RGS9: variants seen among roughly 807,000 people sequenced by gnomAD.
RGS9 encodes regulator of G-protein signalling 9.
In RGS9, 78 loss-of-function variants were observed where a neutral mutation model predicts 102.0. That is an observed-to-expected ratio of 0.76 (90% CI 0.64 to 0.92). RGS9 has a LOEUF of 0.92. Among genes scored for constraint, RGS9 ranks in the 40% least tolerant of loss-of-function variants. The pLI is 0.00. For synonymous variants in RGS9, 353 were observed against 318.6 expected (o/e 1.11, Z -1.15); for missense variants, 833 against 866.1 (o/e 0.96, Z 0.48).
In RGS9 at chr17:65,213,526, TTGAGGGTGGTGGTGAGTGTGGTGG is replaced by T. The variant is rs59435565; in HGVS notation, c.1407+2960_1407+2983del. Among the ~76,000 whole-genome samples, 330 of 149,886 alleles carry T rather than the reference TTGAGGGTGGTGGTGAGTGTGGTGG, an allele frequency of 2.2e-3. 8 individuals are homozygous for T. In the East Asian group the frequency reaches 0.052, roughly 24 times the overall value. ...GGTGAGGGTGGTGGTGAGCATGTTG[TTGAGGGTGGTGGTGAGTGTGGTGG>T]TGAGGGTGGTGGTGAGTGTGGTGGT... On this transcript the variant is annotated intron_variant, in intron 17 of 18. Coordinates refer to ENST00000262406, the MANE Select transcript of RGS9 (RefSeq NM_003835.4).
At chr17:65,145,558 T>A (rs916692661) in intron 1 of RGS9, among the ~76,000 whole-genome samples, 12 of 124,730 alleles carry the variant, frequency 9.6e-5, no homozygotes, top group African/African-American at 4.1e-4. Flanking sequence ...CTATTTTTTT[T>A]TTTTTTAATA....
chr17:65,137,422 C>T lies in RGS9; in HGVS notation c.-119C>T. ...GGGGCCCGGCCCGCGCCCTCCCCGC[C>T]CAGCCGCCTCCCCGTCGACGCCCAG... On this transcript the variant is annotated 5_prime_UTR_variant, in exon 1 of 19. Coordinates refer to ENST00000262406, the MANE Select transcript of RGS9 (RefSeq NM_003835.4). 1 of 1,027,782 alleles carries T rather than the reference C, an allele frequency of 9.7e-7. No homozygotes were observed. The highest frequency in any genetic ancestry group is 1.5e-6 in the Non-Finnish European group (1 of 665,520). The allele number at this position is 1,027,782 out of a possible 1,614,324, so 63.7% of individuals were successfully genotyped here. A position where few individuals can be genotyped will look rare whatever the true frequency, so the allele number is the denominator to read the frequency against.
chr17:65,163,829 G>A (rs1037331046), intron 7 of RGS9, among the ~76,000 whole-genome samples: 1 of 152,212 alleles, frequency 6.6e-6, no homozygotes, highest in Non-Finnish European at 1.5e-5. Flanking sequence ...CTGCATCTGA[G>A]AGTGCAAAGT....
intron 8 of RGS9, among the ~76,000 whole-genome samples, chr17:65,175,930 CAG>C (rs1213674500): frequency 3.3e-5 from 5 of 152,126 alleles, no homozygotes; most frequent in Non-Finnish European, 7.4e-5. Context: ...AATATTGGGA[CAG>C]AAATTATTTG....
At chr17:65,204,092 C>T in intron 14 of RGS9, 71 bp from the exon 15 acceptor site, 1 of 1,583,326 alleles carries the variant, frequency 6.3e-7, no homozygotes, top group Non-Finnish European at 8.7e-7. Context: ...CCTTCCCTCC[C>T]AAGCAGCTGT....
At chr17:65,186,340 C>G (rs1056724439) in intron 9 of RGS9, among the ~76,000 whole-genome samples, 3 of 151,802 alleles carry the variant, frequency 2.0e-5, no homozygotes, top group African/African-American at 7.3e-5. Context: ...CACCCCCCAC[C>G]AAGTAACTGG....
At chr17:65,215,061 A>G (rs1913436502) in intron 17 of RGS9, among the ~76,000 whole-genome samples, 1 of 152,178 alleles carries the variant, frequency 6.6e-6, no homozygotes, top group Admixed American at 6.5e-5. Context: ...TCAGGGCTAG[A>G]CACAGCATGG....
rs1175166232 is a variant in RGS9 at position 65,225,402 on chromosome 17, G to A, written c.1808G>A (p.Cys603Tyr). 3.5e-5 allele frequency: 57 copies of A among 1,611,272 alleles called. No homozygotes were observed. Among genetic ancestry groups the A allele is most frequent in the Non-Finnish European group, 4.7e-5 (56 of 1,180,038 alleles). Residue 603 changes from cysteine (C) to tyrosine (Y), a missense_variant, in exon 18 of 19, where the codon TGC becomes TAC. Coordinates refer to ENST00000262406, the MANE Select transcript of RGS9 (RefSeq NM_003835.4). The part of the protein sequence containing the change: ...SPVFARLSPK[C>Y]PAVSHGRVQP... ...GTCTTTGCCAGGCTCTCACCCAAGTGCCCTGCTGTGTCCCACGGGAGGGTG... is the reference window on the plus strand; with the variant it reads ...GTCTTTGCCAGGCTCTCACCCAAGTACCCTGCTGTGTCCCACGGGAGGGTG...
At chr17:65,186,050 G>A (rs376143398) in intron 9 of RGS9, among the ~76,000 whole-genome samples, 1 of 142,146 alleles carries the variant, frequency 7.0e-6, no homozygotes, top group Non-Finnish European at 1.5e-5. Context: ...TGACACTGGC[G>A]GCTGAGTGTG....
At chr17:65,139,595 G>C (rs1910079004) in intron 1 of RGS9, among the ~76,000 whole-genome samples, 1 of 152,074 alleles carries the variant, frequency 6.6e-6, no homozygotes, top group African/African-American at 2.4e-5. Flanking sequence ...TGCTGGGAAA[G>C]TCCTTTCTCC....
intron 1 of RGS9, among the ~76,000 whole-genome samples, chr17:65,141,573 A>G (rs1177847185): frequency 7.8e-4 from 118 of 152,238 alleles, no homozygotes; most frequent in Non-Finnish European, 1.8e-4. Flanking sequence ...CTTATGGGCT[A>G]GATGCTGTGC....
intron 1 of RGS9, among the ~76,000 whole-genome samples, chr17:65,150,619 C>G (rs1444454126): frequency 6.6e-6 from 1 of 152,114 alleles, no homozygotes; most frequent in Non-Finnish European, 1.5e-5. Flanking sequence ...GAAACTCAGT[C>G]TAAAAAAATA....
chr17:65,226,809 T>G (rs1458432787), intron 18 of RGS9, among the ~76,000 whole-genome samples: 2 of 152,096 alleles, frequency 1.3e-5, no homozygotes, highest in African/African-American at 4.8e-5. Flanking sequence ...GAGACGGGGT[T>G]TCGCCATTTT....
chr17:65,158,614 A>G, intron 3 of RGS9: 1 of 535,068 alleles, frequency 1.9e-6, no homozygotes. Context: ...GGTGCTGTGT[A>G]TAGCTGGTCT....
At chr17:65,142,633 A>C (rs1419687197) in intron 1 of RGS9, among the ~76,000 whole-genome samples, 1 of 140,270 alleles carries the variant, frequency 7.1e-6, no homozygotes, top group Non-Finnish European at 1.5e-5. Flanking sequence ...CTCAGGCTGG[A>C]GTACAGTGGC....
intron 1 of RGS9, among the ~76,000 whole-genome samples, chr17:65,147,325 C>T (rs1203534608): frequency 1.3e-5 from 2 of 152,194 alleles, no homozygotes; most frequent in Non-Finnish European, 1.5e-5. Flanking sequence ...AGAGTGGCCT[C>T]AGCTGTGTAC....
intron 1 of RGS9, among the ~76,000 whole-genome samples, chr17:65,144,500 G>A (rs983100999): frequency 2.0e-5 from 3 of 152,204 alleles, no homozygotes; most frequent in African/African-American, 7.2e-5. Context: ...CCTTCTCCCC[G>A]ACACGGGGTC....
intron 14 of RGS9, among the ~76,000 whole-genome samples, chr17:65,203,330 TC>T (rs1348208360): frequency 6.6e-6 from 1 of 152,052 alleles, no homozygotes; most frequent in African/African-American, 2.4e-5. Context: ...TTCCATGACA[TC>T]CTTTGCAGTA....
chr17:65,153,348 G>A (rs1910652049), intron 1 of RGS9, 74 bp from the exon 2 acceptor site: 2 of 1,261,642 alleles, frequency 1.6e-6, no homozygotes, highest in South Asian at 1.2e-5. Flanking sequence ...GTCCCTCTCA[G>A]TGCAGTGGAA....
Sources: allele counts gnomAD v4.1 joint callset (sites outside exome capture counted in the v4.1 genomes callset), GRCh38; gene constraint gnomAD v4.1.1; transcripts MANE v1.5; gene names NCBI Gene and HGNC (gene_info 2026-07-23, HGNC 2026-07-21).